The following MYO16 variants were observed in gnomAD, a reference collection of about 807,000 sequenced individuals.
The protein encoded by MYO16 is unconventional myosin-XVI.
In MYO16, 94 loss-of-function variants were observed where a neutral mutation model predicts 205.3. The ratio of observed to expected loss-of-function variants is 0.46; its 90% CI spans 0.39 to 0.54. The LOEUF (loss-of-function observed/expected upper bound fraction) is 0.54. Ranked by LOEUF, MYO16 falls within the 20% of genes least tolerant of loss-of-function variation. The pLI, the probability that MYO16 is intolerant of heterozygous loss-of-function variation, is 0.00. For missense variants in MYO16, 2,315 were observed against 2,387.5 expected (o/e 0.97, Z 0.63); for synonymous variants, 988 against 954.0 (o/e 1.04, Z -0.66).
intron 23 of MYO16, chr13:109,028,480 C>T: frequency 4.5e-6 from 1 of 221,222 alleles, no homozygotes; most frequent in African/African-American, 2.4e-5. Flanking sequence ...ATATTCTTTA[C>T]CATTTAGTTT....
intron 6 of MYO16, among the ~76,000 whole-genome samples, chr13:108,806,014 G>GGT (rs1887103670): frequency 2.0e-5 from 3 of 152,016 alleles, no homozygotes; most frequent in African/African-American, 7.2e-5. Context: ...AGTAGGGAGA[G>GGT]GTGGCAGGAT....
chr13:109,023,046 C>T (rs1303144340), intron 23 of MYO16, among the ~76,000 whole-genome samples: 52 of 132,406 alleles, frequency 3.9e-4, no homozygotes, highest in African/African-American at 1.3e-3. Context: ...TTAATACACA[C>T]ATGTAAGTAT....
At chr13:108,967,469 C>T (rs938721603) in intron 20 of MYO16, among the ~76,000 whole-genome samples, 2 of 152,168 alleles carry the variant, frequency 1.3e-5, no homozygotes, top group African/African-American at 2.4e-5. Flanking sequence ...GTGTTTGCCA[C>T]GTTTGCTGGA....
At chr13:108,719,054 C>T (rs564685820) in intron 3 of MYO16, among the ~76,000 whole-genome samples, 1 of 152,184 alleles carries the variant, frequency 6.6e-6, no homozygotes, top group Admixed American at 6.5e-5. Flanking sequence ...CTAAGAAAGG[C>T]CCCAGTGAAG....
intron 22 of MYO16, among the ~76,000 whole-genome samples, chr13:109,010,959 A>ATATATATATATATATTT (rs1262566252): frequency 2.7e-5 from 3 of 111,514 alleles, no homozygotes; most frequent in African/African-American, 1.0e-4. Flanking sequence ...ATATAATATT[A>ATATATATATATATATTT]TATATATATA....
chr13:109,059,426 G>T (rs576650278), intron 27 of MYO16, among the ~76,000 whole-genome samples: 1 of 152,144 alleles, frequency 6.6e-6, no homozygotes, highest in South Asian at 2.1e-4. Flanking sequence ...CAGGTGCATT[G>T]TCAATAAGCA....
At chr13:108,674,692 C>T (rs1882127632) in intron 2 of MYO16, among the ~76,000 whole-genome samples, 1 of 152,120 alleles carries the variant, frequency 6.6e-6, no homozygotes, top group Non-Finnish European at 1.5e-5. Flanking sequence ...TTTAAATGAA[C>T]ATTACTGGAT....
In MYO16 at chr13:109,141,388, A is replaced by G; in HGVS notation, c.5164+12A>G. On this transcript the variant is annotated intron_variant, in intron 32 of 34. Transcript: ENST00000457511. This position sits in a 1 kb window ranked among gnomAD's most constrained non-coding sequence, Gnocchi z 4.1. ...CAGGGAAGCAGAAGGTAAGCGGAGC[A>G]GACATCCCCCCACTCCTTTTGCATG... The G allele has an allele frequency of 6.8e-7, 1 of 1,466,972 alleles. No individual in the cohort carries two copies. The highest frequency in any genetic ancestry group is 9.1e-7 in the Non-Finnish European group (1 of 1,104,500). The allele number at this position is 1,466,972 out of a possible 1,614,324, so 90.9% of individuals were successfully genotyped here. A position where few individuals can be genotyped will look rare whatever the true frequency, so the allele number is the denominator to read the frequency against.
intron 27 of MYO16, among the ~76,000 whole-genome samples, chr13:109,068,644 T>G (rs1044340712): frequency 8.0e-5 from 12 of 149,496 alleles, no homozygotes; most frequent in African/African-American, 2.5e-4. Context: ...CAAGCTGGAG[T>G]GCAATGGCAC....
chr13:108,538,153 A>T, the MYO16 span, among the ~76,000 whole-genome samples: 1 of 152,122 alleles, frequency 6.6e-6, no homozygotes, highest in Admixed American at 6.6e-5. Flanking sequence ...CTATTAGCAC[A>T]AAATATATTT....
intron 28 of MYO16, chr13:109,101,138 A>C: frequency 2.5e-6 from 1 of 403,816 alleles, no homozygotes; most frequent in East Asian, 4.1e-5. Flanking sequence ...TATGAGCCCC[A>C]TTCTGTTTGC....
intron 15 of MYO16, among the ~76,000 whole-genome samples, chr13:108,908,444 G>T (rs1339662050): frequency 6.6e-6 from 1 of 152,194 alleles, no homozygotes; most frequent in East Asian, 1.9e-4. Context: ...GAACAGATTT[G>T]CTGTAGACAA....
the MYO16 span, among the ~76,000 whole-genome samples, chr13:108,542,411 A>G: frequency 6.6e-6 from 1 of 152,130 alleles, no homozygotes; most frequent in Non-Finnish European, 1.5e-5. Context: ...ACCAACCCCC[A>G]ACCCCCGTCA....
chr13:108,499,971 TC>T, the MYO16 span, among the ~76,000 whole-genome samples: 16,661 of 151,642 alleles, frequency 0.11, 1,263 homozygotes, highest in Non-Finnish European at 0.17. Flanking sequence ...GGCCCCTCTC[TC>T]CCTCTGCTCC....
the MYO16 span, among the ~76,000 whole-genome samples, chr13:108,496,301 G>A: frequency 3.8e-4 from 58 of 152,346 alleles, 1 homozygote; most frequent in East Asian, 5.2e-3. Flanking sequence ...CCGTTGCTAG[G>A]GGAGATGGGG....
the MYO16 span, among the ~76,000 whole-genome samples, chr13:108,556,388 T>C: frequency 6.9e-4 from 105 of 152,182 alleles, no homozygotes; most frequent in Middle Eastern, 3.4e-3. Flanking sequence ...ATTAGTGAGT[T>C]TGAGCCTTTT....
At chr13:109,194,501 A>G (rs1880062455) in intron 34 of MYO16, among the ~76,000 whole-genome samples, 1 of 152,176 alleles carries the variant, frequency 6.6e-6, no homozygotes, top group South Asian at 2.1e-4. Context: ...TTTTAAGGAT[A>G]TAAATGATAT....
Position 108,668,706 on chromosome 13 carries a change from A to G in MYO16, c.292+2557A>G, listed in dbSNP as rs557928229. On this transcript the variant is annotated intron_variant, in intron 2 of 34. Transcript: ENST00000457511. ...CTTTGTCCATCCTTGTATCTGACTG[A>G]ATCTTCTGCCTCCCTCTTGCACCTT... Among the ~76,000 whole-genome samples the G allele has an allele frequency of 2.0e-5, 3 of 152,258 alleles. No homozygotes were observed. In the East Asian group the frequency reaches 5.8e-4, roughly 29 times the overall value.
intron 34 of MYO16, among the ~76,000 whole-genome samples, chr13:109,196,870 G>C (rs1880183063): frequency 6.6e-6 from 1 of 152,080 alleles, no homozygotes; most frequent in South Asian, 2.1e-4. Context: ...AAAAATTACA[G>C]AATAACTAGC....
Sources: allele counts gnomAD v4.1 joint callset (sites outside exome capture counted in the v4.1 genomes callset), GRCh38; gene constraint gnomAD v4.1.1; non-coding constraint Gnocchi (gnomAD v3.1); transcripts MANE v1.5; gene names NCBI Gene and HGNC (gene_info 2026-07-23, HGNC 2026-07-21).